Variants in CFAP299 observed in about 807,000 individuals in gnomAD.
CFAP299 encodes the protein cilia and flagella associated protein 299.
Under a neutral mutation model 27.0 loss-of-function variants are expected in CFAP299, and 21 were observed. That is an observed-to-expected ratio of 0.78 (90% CI 0.55 to 1.12). The LOEUF (loss-of-function observed/expected upper bound fraction) is 1.12, where lower values mean the gene tolerates loss of function less well. Among genes scored for constraint, CFAP299 ranks in the 50% most tolerant of loss-of-function variants. The pLI, the probability that CFAP299 is intolerant of heterozygous loss-of-function variation, is 0.00. For synonymous variants in CFAP299, 104 were observed against 98.1 expected (o/e 1.06, Z -0.36); for missense variants, 310 against 276.6 (o/e 1.12, Z -0.86).
chr4:80,902,393 G>T (rs938514557), intron 4 of CFAP299, among the ~76,000 whole-genome samples: 2 of 124,916 alleles, frequency 1.6e-5, no homozygotes, highest in Non-Finnish European at 1.6e-5. Flanking sequence ...ATAAATATAT[G>T]AAATATACTT....
At chr4:80,517,010 A>G (rs1042090730) in intron 2 of CFAP299, among the ~76,000 whole-genome samples, 2 of 152,194 alleles carry the variant, frequency 1.3e-5, no homozygotes, top group Non-Finnish European at 2.9e-5. Flanking sequence ...TTGGTATAAT[A>G]AACGCTTAGT....
intron 4 of CFAP299, among the ~76,000 whole-genome samples, chr4:80,920,806 G>A (rs190289874): frequency 6.6e-6 from 1 of 152,200 alleles, no homozygotes; most frequent in Admixed American, 6.6e-5. Flanking sequence ...TGTGGATAAA[G>A]TAAGGGTGAG....
chr4:80,551,179 A>G (rs1253949498), intron 2 of CFAP299, among the ~76,000 whole-genome samples: 3 of 152,214 alleles, frequency 2.0e-5, no homozygotes, highest in Non-Finnish European at 2.9e-5. Context: ...CAAATATCAT[A>G]TAGTAAGTGT....
In CFAP299 at chr4:80,799,346, T is replaced by A. The variant is rs1217025946; in HGVS notation, c.334-70647T>A. On this transcript the variant is annotated intron_variant, in intron 3 of 5. Coordinates refer to ENST00000358105, the MANE Select transcript of CFAP299 (RefSeq NM_152770.3). The stretch of plus-strand genomic sequence containing the variant: ...TATATTTATATAATATTTATATATA[T>A]AAATGTATTTATATAATATTTATAT... 7.3e-5 allele frequency among the ~76,000 whole-genome samples: 7 copies of A among 96,548 alleles called. 1 individual carries two copies. The highest frequency in any genetic ancestry group is 2.7e-4 in the African/African-American group (6 of 22,256). The allele number at this position is 96,548 out of a possible 152,430, so 63.3% of individuals were successfully genotyped here.
intron 3 of CFAP299, among the ~76,000 whole-genome samples, chr4:80,633,072 T>G (rs1285170896): frequency 1.3e-5 from 2 of 152,206 alleles, no homozygotes; most frequent in Non-Finnish European, 2.9e-5. Context: ...AAAATTAAAT[T>G]TCTATCTTAT....
intron 2 of CFAP299, among the ~76,000 whole-genome samples, chr4:80,573,835 A>G (rs1735716215): frequency 6.6e-6 from 1 of 152,104 alleles, no homozygotes; most frequent in Admixed American, 6.6e-5. Flanking sequence ...TTTTTATGCC[A>G]GTACCATGCT....
chr4:80,557,965 C>A (rs757954673), intron 2 of CFAP299, among the ~76,000 whole-genome samples: 1 of 151,892 alleles, frequency 6.6e-6, no homozygotes, highest in Non-Finnish European at 1.5e-5. Flanking sequence ...CAAGTGCACA[C>A]TTGAAGGCCC....
At chr4:80,871,794 C>T (rs1399470128) in intron 4 of CFAP299, 4 of 281,926 alleles carry the variant, frequency 1.4e-5, no homozygotes, top group Non-Finnish European at 2.1e-5. Flanking sequence ...CATTATCATA[C>T]CTAACAAAAT....
intron 2 of CFAP299, among the ~76,000 whole-genome samples, chr4:80,482,520 A>G (rs1495484): frequency 0.059 from 8,950 of 152,198 alleles, 327 homozygotes; most frequent in South Asian, 0.17. Flanking sequence ...AAGTTACAGC[A>G]ATAAAAAAAC....
intron 2 of CFAP299, among the ~76,000 whole-genome samples, chr4:80,553,668 T>G (rs888578769): frequency 6.6e-6 from 1 of 152,184 alleles, no homozygotes; most frequent in Non-Finnish European, 1.5e-5. Flanking sequence ...ATATGTTATT[T>G]TTTTGACTTT....
At position 80,432,453 on chromosome 4, in the gene CFAP299, T is replaced by C. The variant is rs182441417; in HGVS notation, c.242+69569T>C. Among the ~76,000 whole-genome samples, 234 of 149,850 alleles carry C rather than the reference T, an allele frequency of 1.6e-3. 1 individual carries two copies. Among genetic ancestry groups the C allele is most frequent in the Non-Finnish European group, 2.4e-3 (159 of 67,398 alleles). On this transcript the variant is annotated intron_variant, in intron 2 of 5. Transcript: ENST00000358105. ...GGCGTGAGCAACCATGCCCGGCCCT[T>C]TCATTTGTTTTATTTATGCTATTTC...
intron 3 of CFAP299, among the ~76,000 whole-genome samples, chr4:80,589,751 T>A (rs1337888658): frequency 2.6e-5 from 4 of 152,198 alleles, no homozygotes; most frequent in Admixed American, 2.6e-4. Context: ...ATGAGCTGTA[T>A]TTCATACCCA....
At chr4:80,360,336 C>T (rs574409864) in intron 1 of CFAP299, among the ~76,000 whole-genome samples, 2 of 152,140 alleles carry the variant, frequency 1.3e-5, no homozygotes, top group African/African-American at 2.4e-5. Flanking sequence ...GAAGACTGTG[C>T]TGGAGGCGGT....
chr4:80,949,228 A>T (rs905511695), intron 5 of CFAP299, among the ~76,000 whole-genome samples: 6 of 152,308 alleles, frequency 3.9e-5, no homozygotes, highest in African/African-American at 1.4e-4. Context: ...GGAGGTGAAG[A>T]TGAGCAAGAC....
chr4:80,871,677 T>A, intron 4 of CFAP299: 6 of 968,504 alleles, frequency 6.2e-6, no homozygotes, highest in Admixed American at 6.1e-5. Context: ...AATTCTATTA[T>A]CTTAGCAGCT....
intron 2 of CFAP299, among the ~76,000 whole-genome samples, chr4:80,479,402 A>G (rs1159919310): frequency 6.6e-6 from 1 of 152,056 alleles, no homozygotes; most frequent in Non-Finnish European, 1.5e-5. Context: ...TTTATGGCAT[A>G]TAAGGATTCC....
chr4:80,940,960 A>G (rs1308347567), intron 4 of CFAP299, among the ~76,000 whole-genome samples: 2 of 152,176 alleles, frequency 1.3e-5, no homozygotes, highest in Non-Finnish European at 2.9e-5. Context: ...AATTCAGAAT[A>G]TACAGTTTTC....
intron 3 of CFAP299, among the ~76,000 whole-genome samples, chr4:80,760,113 C>T (rs979825003): frequency 1.3e-5 from 2 of 151,850 alleles, no homozygotes; most frequent in African/African-American, 2.4e-5. Context: ...CAATTTTTTC[C>T]TGCAGTAAAG....
chr4:80,399,764 C>T lies in CFAP299; in HGVS notation c.242+36880C>T, dbSNP rs571497429. Among the ~76,000 whole-genome samples, 18 of 152,084 alleles carry T rather than the reference C, an allele frequency of 1.2e-4. No homozygotes were observed. The East Asian group carries it at 3.5e-3, about 29-fold the overall frequency. Reference sequence around the variant, plus strand: ...AAATGATGAGTTAATAGGTGCAGCACACCAACATGACATATGTATACATAT... The same window carrying T: ...AAATGATGAGTTAATAGGTGCAGCATACCAACATGACATATGTATACATAT... On this transcript the variant is annotated intron_variant, in intron 2 of 5. Transcript: ENST00000358105.
Sources: allele counts gnomAD v4.1 joint callset (sites outside exome capture counted in the v4.1 genomes callset), GRCh38; gene constraint gnomAD v4.1.1; transcripts MANE v1.5; gene names NCBI Gene and HGNC (gene_info 2026-07-23, HGNC 2026-07-21).